Variants in ASIC3 observed in about 807,000 individuals in gnomAD.
The protein encoded by ASIC3 is acid-sensing ion channel 3.
ASIC3 carries 46 observed loss-of-function variants against 58.6 expected under a neutral mutation model. The observed-to-expected ratio is 0.79, with a 90% CI of 0.62 to 1.00. The LOEUF (loss-of-function observed/expected upper bound fraction) is 1.00. ASIC3 is among the 50% of genes least tolerant of loss of function. The pLI, the probability that ASIC3 is intolerant of heterozygous loss-of-function variation, is 0.00. For synonymous variants in ASIC3, 336 were observed against 300.2 expected, an observed-to-expected ratio of 1.12 and a Z score of -1.23; for missense variants, 770 against 735.0, an observed-to-expected ratio of 1.05 and a Z score of -0.55.
chr7:151,051,206 C>G lies in ASIC3; in HGVS notation c.1101C>G (p.Pro367=). 2 of 1,586,398 alleles carry G rather than the reference C, an allele frequency of 1.3e-6. No homozygotes were observed. ...AMLRKDSCAC[P]NPCASTRYAK... The stretch of plus-strand genomic sequence containing the variant: ...TTCGCAAGGACTCGTGCGCCTGCCC[C>G]AACCCGTGCGCCAGCACGCGCTACG... The change falls in exon 6 of 11, where the codon CCC becomes CCG. Residue 367 remains proline, a synonymous_variant. Coordinates refer to ENST00000349064, the MANE Select transcript of ASIC3 (RefSeq NM_004769.4).
At position 151,048,820 on chromosome 7, in the gene ASIC3, C is replaced by T. The variant is rs1018913421; in HGVS notation, c.-66C>T. ...TGAATCCTATCTTAGCCTCCTTAGCCCCCTGACTGACTCTCTCTCGCTTCT... is the reference window on the plus strand; with the variant it reads ...TGAATCCTATCTTAGCCTCCTTAGCTCCCTGACTGACTCTCTCTCGCTTCT... On this transcript the variant is annotated 5_prime_UTR_variant, in exon 1 of 11. Coordinates refer to ENST00000349064, the MANE Select transcript of ASIC3 (RefSeq NM_004769.4). The T allele has an allele frequency of 1.5e-5, 22 of 1,506,108 alleles. No homozygotes were observed. In the African/African-American group the frequency reaches 2.9e-4, roughly 20 times the overall value. 93.3% of individuals were successfully genotyped at this position (1,506,108 alleles called of 1,614,324 possible).
At chr7:151,051,402 G>A (rs1796776606) in intron 6 of ASIC3, 83 bp downstream of exon 6, 1 of 1,393,274 alleles carries the variant, frequency 7.2e-7, no homozygotes. Flanking sequence ...CGTAGCCCTA[G>A]TGCGCACAGC....
upstream of ASIC3, chr7:151,048,387 G>A (rs148067461): frequency 1.5e-3 from 238 of 158,974 alleles, 1 homozygote; most frequent in African/African-American, 5.3e-3. Flanking sequence ...GGATTACTGC[G>A]GTTTCCTCCT....
In ASIC3 at chr7:151,052,419, CAGGA is replaced by C. The variant is rs1414283087; in HGVS notation, c.1466_1469del (p.Glu489GlyfsTer54). 6 of 1,613,976 alleles carry C rather than the reference CAGGA, an allele frequency of 3.7e-6. No homozygotes were observed. The highest frequency in any genetic ancestry group is 5.1e-6 in the Non-Finnish European group (6 of 1,180,016). On this transcript the variant is annotated frameshift_variant, in exon 10 of 11. Coordinates refer to ENST00000349064, the MANE Select transcript of ASIC3 (RefSeq NM_004769.4). LOFTEE classifies it high-confidence loss of function. The surrounding 1 kb of genome is among the most constrained non-coding windows in gnomAD (Gnocchi z 5.0). ...TGACCCTCTCGTCCTCACACAGCTT[CAGGA>C]AGGGCTGGGCAGCCATCGAACCCAA...
Position 151,051,316 on chromosome 7 carries a change from T to C in ASIC3, c.1211T>C (p.Ile404Thr). Residue 404 changes from isoleucine (I) to threonine (T), a missense_variant, in exon 6 of 11, where the codon ATC becomes ACC. Physicochemically the swap from Ile to Thr is moderately conservative, Grantham distance 89. Coordinates refer to ENST00000349064, the MANE Select transcript of ASIC3 (RefSeq NM_004769.4). ...AAGCTCAACCGCAGCGAGGCCTACA[T>C]CGCGTGAGCTGCGCGGGGCGGGCGG... ...ARKLNRSEAY[I>T]AENVLALDIF... 6.7e-7 allele frequency: 1 copy of C among 1,501,264 alleles called. No individual in the cohort carries two copies. The highest frequency in any genetic ancestry group is 8.8e-7 in the Non-Finnish European group (1 of 1,135,612). 93.0% of individuals were successfully genotyped at this position (1,501,264 alleles called of 1,614,324 possible).
At position 151,051,167 on chromosome 7, in the gene ASIC3, C is replaced by G. The variant is rs750271120; in HGVS notation, c.1067-5C>G. ...GGGCGTCTGACGCGGCCCGGTGGCC[C>G]GCAGATGCCATGCTTCGCAAGGACT... is the stretch of plus-strand genomic sequence containing the variant. On this transcript the variant is annotated splice_polypyrimidine_tract_variant and splice_region_variant and intron_variant, in intron 5 of 10. Transcript: ENST00000349064. 1.3e-6 allele frequency: 2 copies of G among 1,594,860 alleles called. No homozygotes were observed. Among genetic ancestry groups the G allele is most frequent in the Non-Finnish European group, 1.7e-6 (2 of 1,175,300 alleles).
At position 151,049,106 on chromosome 7, in the gene ASIC3, C is replaced by G. The variant is rs1360708972; in HGVS notation, c.221C>G (p.Thr74Ser). 2 of 1,613,822 alleles carry G rather than the reference C, an allele frequency of 1.2e-6. No homozygotes were observed. The highest frequency in any genetic ancestry group is 2.7e-5 in the African/African-American group (2 of 74,934). ...VRYYREFHHQ[T>S]ALDERESHRL... ...TACTACAGGGAGTTCCACCACCAGACTGCCCTGGATGAGCGAGAAAGCCAC... is the reference window on the plus strand; with the variant it reads ...TACTACAGGGAGTTCCACCACCAGAGTGCCCTGGATGAGCGAGAAAGCCAC... The change falls in exon 1 of 11, where the codon ACT (threonine) becomes AGT (serine). Residue 74 changes from threonine to serine, a missense_variant. Thr to Ser is a moderately conservative substitution (Grantham distance 58, BLOSUM62 1). Coordinates refer to ENST00000349064, the MANE Select transcript of ASIC3 (RefSeq NM_004769.4).
chr7:151,051,219 A>C lies in ASIC3; in HGVS notation c.1114A>C (p.Ser372Arg). The change falls in exon 6 of 11, where the codon AGC becomes CGC. Residue 372 changes from serine (S) to arginine (R), a missense_variant. By Grantham distance (110) the Ser-to-Arg change is moderately radical (BLOSUM62 -1). Coordinates refer to ENST00000349064, the MANE Select transcript of ASIC3 (RefSeq NM_004769.4). Reference protein sequence around the residue: ...DSCACPNPCASTRYAKELSMV... With the variant: ...DSCACPNPCARTRYAKELSMV... ...GTGCGCCTGCCCCAACCCGTGCGCC[A>C]GCACGCGCTACGCCAAGGAGCTCTC... The C allele has an allele frequency of 1.3e-6, 2 of 1,579,560 alleles. No homozygotes were observed. Among genetic ancestry groups the C allele is most frequent in the East Asian group, 2.3e-5 (1 of 43,218 alleles).
At position 151,050,967 on chromosome 7, in the gene ASIC3, G is replaced by A. The variant is rs771701071; in HGVS notation, c.1009+14G>A. Reference sequence around the variant, plus strand: ...TGTACATGCCAGGTGAGGGGCTGGGGTTTTCGTCCCATGGCGGGCAGGGCC... The same window carrying A: ...TGTACATGCCAGGTGAGGGGCTGGGATTTTCGTCCCATGGCGGGCAGGGCC... On this transcript the variant is annotated intron_variant, in intron 4 of 10. Transcript: ENST00000349064. The A allele has an allele frequency of 6.2e-7, 1 of 1,613,442 alleles. No homozygotes were observed. The highest frequency in any genetic ancestry group is 8.5e-7 in the Non-Finnish European group (1 of 1,180,018).
Position 151,048,940 on chromosome 7 carries a change from G to C in ASIC3, c.55G>C (p.Val19Leu). The change falls in exon 1 of 11, where the codon GTG becomes CTG. Residue 19 changes from valine to leucine, a missense_variant. Val to Leu is a conservative substitution (Grantham distance 32). Coordinates refer to ENST00000349064, the MANE Select transcript of ASIC3 (RefSeq NM_004769.4). ...CCGGCGGCCAGCCTCGGACATCCGC[G>C]TGTTCGCCAGCAACTGCTCGATGCA... ...EARRPASDIR[V>L]FASNCSMHGL... 1.3e-6 allele frequency: 2 copies of C among 1,582,272 alleles called. No individual in the cohort carries two copies. The highest frequency in any genetic ancestry group is 1.2e-5 in the South Asian group (1 of 86,836).
rs940412648 is a variant in ASIC3, at chr7:151,051,331, G to C, written c.1214+12G>C. On this transcript the variant is annotated intron_variant, in intron 6 of 10. Transcript: ENST00000349064. ...GAGGCCTACATCGCGTGAGCTGCGC[G>C]GGGCGGGCGGGCTCCTCCGAGCCGG... 2.7e-6 allele frequency: 4 copies of C among 1,476,430 alleles called. No homozygotes were observed. In the African/African-American group the frequency reaches 5.9e-5, roughly 22 times the overall value. The allele number at this position is 1,476,430 out of a possible 1,614,324, so 91.5% of individuals were successfully genotyped here.
rs193119056 is a variant in ASIC3, at chr7:151,050,431, G to C, written c.686-50G>C. The C allele has an allele frequency of 3.1e-3, 5,003 of 1,601,362 alleles. 17 individuals are homozygous for C. The highest frequency in any genetic ancestry group is 3.9e-3 in the Non-Finnish European group (4,577 of 1,172,540). On this transcript the variant is annotated intron_variant, in intron 2 of 10. Transcript: ENST00000349064. ...GCAGTGAGAGGTCTTGTCTGGTTGG[G>C]CAGGAGACCTGACCACACAGGTCAG...
chr7:151,050,994 A>G, intron 4 of ASIC3, 41 bp downstream of exon 4: 1 of 1,613,068 alleles, frequency 6.2e-7, no homozygotes, highest in African/African-American at 1.3e-5. Flanking sequence ...GGCAGGGCCC[A>G]GGGAGCTGAG....
chr7:151,051,018 C>G, intron 4 of ASIC3, 21 bp from the exon 5 acceptor site: 1 of 1,613,294 alleles, frequency 6.2e-7, no homozygotes, highest in East Asian at 2.2e-5. Context: ...GCTTCTAAAG[C>G]CATCTCCCCG....
chr7:151,049,160 G>A lies in ASIC3; in HGVS notation c.275G>A (p.Cys92Tyr). 6.2e-7 allele frequency: 1 copy of A among 1,613,850 alleles called. No homozygotes were observed. The highest frequency in any genetic ancestry group is 8.5e-7 in the Non-Finnish European group (1 of 1,179,898). Residue 92 changes from cysteine to tyrosine, a missense_variant, in exon 1 of 11, where the codon TGC becomes TAC. Transcript: ENST00000349064. ...CTCATCTTCCCGGCTGTCACCCTGT[G>A]CAACATCAACCCACTGCGCCGCTCG... The part of the protein sequence containing the change: ...HRLIFPAVTL[C>Y]NINPLRRSRL...
rs1254064732 is a variant in ASIC3, at chr7:151,051,212, G to A, written c.1107G>A (p.Pro369=). ...AGGACTCGTGCGCCTGCCCCAACCCGTGCGCCAGCACGCGCTACGCCAAGG... is the reference window on the plus strand; with the variant it reads ...AGGACTCGTGCGCCTGCCCCAACCCATGCGCCAGCACGCGCTACGCCAAGG... ...LRKDSCACPN[P]CASTRYAKEL... The change falls in exon 6 of 11, where the codon CCG becomes CCA. Residue 369 remains proline (P), a synonymous_variant. Coordinates refer to ENST00000349064, the MANE Select transcript of ASIC3 (RefSeq NM_004769.4). The A allele has an allele frequency of 2.5e-6, 4 of 1,583,924 alleles. No homozygotes were observed. Among genetic ancestry groups the A allele is most frequent in the Non-Finnish European group, 3.4e-6 (4 of 1,171,708 alleles).
rs753477836 is a variant in ASIC3, at chr7:151,049,391, A to G, written c.506A>G (p.Gln169Arg). Residue 169 changes from glutamine to arginine, a missense_variant, in exon 1 of 11, where the codon CAA becomes CGA. Physicochemically the swap from Gln to Arg is conservative, Grantham distance 43 (BLOSUM62 1). Transcript: ENST00000349064. ...DMLLDCRFRG[Q>R]PCGPENFTTI... ...CTGCTGGACTGTCGCTTCCGTGGCC[A>G]ACCTTGTGGGCCTGAGAACTTCACC... 39 of 1,600,158 alleles carry G rather than the reference A, an allele frequency of 2.4e-5. No homozygotes were observed. The highest frequency in any genetic ancestry group is 3.2e-5 in the Non-Finnish European group (38 of 1,172,548).
In ASIC3 at chr7:151,051,159, C is replaced by A. The variant is rs371018510; in HGVS notation, c.1067-13C>A. On this transcript the variant is annotated splice_polypyrimidine_tract_variant and intron_variant, in intron 5 of 10. Coordinates refer to ENST00000349064, the MANE Select transcript of ASIC3 (RefSeq NM_004769.4). ...CCGCCCGCGGGCGTCTGACGCGGCC[C>A]GGTGGCCCGCAGATGCCATGCTTCG... The A allele has an allele frequency of 3.8e-6, 6 of 1,595,306 alleles. No homozygotes were observed. The Admixed American group carries it at 5.2e-5, about 14-fold the overall frequency.
rs368757639 is a variant in ASIC3 at position 151,050,625 on chromosome 7, C to T, written c.813+17C>T. Reference sequence around the variant, plus strand: ...CAGCAGCAGGTACCCTTCCGTGTGCCTCCACACCTACTACTTCAAGCCCAC... The same window carrying T: ...CAGCAGCAGGTACCCTTCCGTGTGCTTCCACACCTACTACTTCAAGCCCAC... On this transcript the variant is annotated intron_variant, in intron 3 of 10. Coordinates refer to ENST00000349064, the MANE Select transcript of ASIC3 (RefSeq NM_004769.4). The T allele has an allele frequency of 4.3e-6, 7 of 1,613,600 alleles. No homozygotes were observed. In the African/African-American group the frequency reaches 9.3e-5, roughly 22 times the overall value.
Sources: gnomAD v4.1 joint callset for allele counts on GRCh38, gnomAD v4.1.1 for gene constraint, Gnocchi (gnomAD v3.1) non-coding constraint, MANE v1.5 for transcripts, NCBI Gene and HGNC (gene_info 2026-07-23, HGNC 2026-07-21) for gene names.